GPC5: variants seen among roughly 807,000 people sequenced by gnomAD.
GPC5 encodes the protein glypican-5.
In GPC5, 47 loss-of-function variants were observed where a neutral mutation model predicts 53.9. That is an observed-to-expected ratio of 0.87 (90% CI 0.69 to 1.11). The LOEUF is 1.11. GPC5 is among the 50% of genes most tolerant of loss of function. The pLI is 0.00. For synonymous variants in GPC5, 286 were observed against 263.3 expected, an observed-to-expected ratio of 1.09 and a Z score of -0.84; for missense variants, 748 against 713.1, an observed-to-expected ratio of 1.05 and a Z score of -0.56.
At chr13:92,749,058 A>G (rs1236865530) in intron 7 of GPC5, among the ~76,000 whole-genome samples, 2 of 152,200 alleles carry the variant, frequency 1.3e-5, no homozygotes, top group Admixed American at 6.5e-5. Flanking sequence ...CATTCAAGAT[A>G]TATTTTGGAG....
chr13:92,145,693 C>A (rs2041862211), intron 7 of GPC5, among the ~76,000 whole-genome samples: 1 of 152,064 alleles, frequency 6.6e-6, no homozygotes, highest in Non-Finnish European at 1.5e-5. Context: ...GGCAAAACAA[C>A]AAAAGTGACC....
intron 7 of GPC5, among the ~76,000 whole-genome samples, chr13:92,853,842 A>G (rs1878895755): frequency 6.6e-6 from 1 of 152,158 alleles, no homozygotes; most frequent in South Asian, 2.1e-4. Context: ...CCCAGCACAG[A>G]ATATCCAATA....
chr13:91,894,090 T>C (rs745795740), intron 5 of GPC5, among the ~76,000 whole-genome samples: 30 of 152,142 alleles, frequency 2.0e-4, no homozygotes, highest in Non-Finnish European at 2.9e-4. Context: ...TATTTAGATA[T>C]TTTTCTTTTA....
intron 2 of GPC5, among the ~76,000 whole-genome samples, chr13:91,513,307 C>A (rs550823904): frequency 6.6e-6 from 1 of 152,180 alleles, no homozygotes; most frequent in Admixed American, 6.5e-5. Flanking sequence ...AACATTGATA[C>A]AATCTACTGG....
At chr13:92,602,369 A>G (rs776867918) in intron 7 of GPC5, among the ~76,000 whole-genome samples, 1 of 151,142 alleles carries the variant, frequency 6.6e-6, no homozygotes, top group Admixed American at 6.6e-5. Context: ...TTGCCTTAAT[A>G]TGAGTTTATT....
chr13:92,423,218 C>T (rs527266585), intron 7 of GPC5, among the ~76,000 whole-genome samples: 2 of 152,224 alleles, frequency 1.3e-5, no homozygotes, highest in African/African-American at 2.4e-5. Flanking sequence ...AATGCCATCA[C>T]GCTGAAGATT....
intron 2 of GPC5, among the ~76,000 whole-genome samples, chr13:91,675,380 T>C (rs550620691): frequency 6.6e-6 from 1 of 152,184 alleles, no homozygotes; most frequent in Admixed American, 6.5e-5. Flanking sequence ...GAATTTAGAG[T>C]AGTTGGATTT....
At chr13:92,693,722 T>C (rs1887478621) in intron 7 of GPC5, among the ~76,000 whole-genome samples, 1 of 151,970 alleles carries the variant, frequency 6.6e-6, no homozygotes, top group Non-Finnish European at 1.5e-5. Flanking sequence ...AGCATAAAAG[T>C]TTGGAAAATT....
At chr13:92,593,323 A>G (rs143041073) in intron 7 of GPC5, among the ~76,000 whole-genome samples, 30 of 151,306 alleles carry the variant, frequency 2.0e-4, no homozygotes, top group African/African-American at 5.8e-4. Context: ...GGCAGGGAGT[A>G]AGGAGACTGC....
At chr13:91,953,484 C>T (rs2040045746) in intron 6 of GPC5, among the ~76,000 whole-genome samples, 1 of 151,940 alleles carries the variant, frequency 6.6e-6, no homozygotes, top group Admixed American at 6.6e-5. Context: ...TGGTAAATCT[C>T]TTCTAAAATC....
At chr13:92,498,680 G>A (rs559180270) in intron 7 of GPC5, among the ~76,000 whole-genome samples, 33 of 152,220 alleles carry the variant, frequency 2.2e-4, no homozygotes, top group African/African-American at 7.7e-4. Flanking sequence ...GACTAGCTAC[G>A]TACTATAATG....
chr13:92,149,403 A>G (rs1478775204), intron 7 of GPC5, among the ~76,000 whole-genome samples: 4 of 152,094 alleles, frequency 2.6e-5, no homozygotes, highest in Non-Finnish European at 5.9e-5. Context: ...CTTAAATATG[A>G]TTAATTTAGA....
At chr13:92,842,687 G>A (rs1878471395) in intron 7 of GPC5, among the ~76,000 whole-genome samples, 1 of 146,552 alleles carries the variant, frequency 6.8e-6, no homozygotes, top group Non-Finnish European at 1.5e-5. Flanking sequence ...CCAATGACAA[G>A]ATTAAGGTTT....
intron 2 of GPC5, among the ~76,000 whole-genome samples, chr13:91,542,773 T>C (rs1335288908): frequency 1.3e-5 from 2 of 151,468 alleles, no homozygotes; most frequent in Non-Finnish European, 2.9e-5. Context: ...AACCTCTGCC[T>C]CCCAGGTTCC....
intron 7 of GPC5, among the ~76,000 whole-genome samples, chr13:92,825,110 T>A (rs1366870036): frequency 6.6e-6 from 1 of 152,122 alleles, no homozygotes; most frequent in Non-Finnish European, 1.5e-5. Context: ...ATCTCTATGA[T>A]TTTTGATCAA....
intron 2 of GPC5, among the ~76,000 whole-genome samples, chr13:91,515,748 T>C (rs1367977820): frequency 7.1e-6 from 1 of 140,494 alleles, no homozygotes; most frequent in East Asian, 2.2e-4. Context: ...TGGGATAGTC[T>C]TCTGTACTTT....
At chr13:92,616,485 C>A (rs572890370) in intron 7 of GPC5, among the ~76,000 whole-genome samples, 2 of 152,038 alleles carry the variant, frequency 1.3e-5, no homozygotes, top group African/African-American at 4.8e-5. Context: ...GATTGTACAG[C>A]GATTTATGAA....
At position 92,679,219 on chromosome 13, in the gene GPC5, G is replaced by T. The variant is rs542939540; in HGVS notation, c.1562-187063G>T. ...ATATTATATTTCAAGCATCATGCTA[G>T]ATACTTTAACGTTTGGCCATTTTAA... On this transcript the variant is annotated intron_variant, in intron 7 of 7. Coordinates refer to ENST00000377067, the MANE Select transcript of GPC5 (RefSeq NM_004466.6). Among the ~76,000 whole-genome samples, 5 of 152,276 alleles carry T rather than the reference G, an allele frequency of 3.3e-5. No homozygotes were observed. In the East Asian group the frequency reaches 9.6e-4, roughly 29 times the overall value.
intron 2 of GPC5, among the ~76,000 whole-genome samples, chr13:91,563,081 C>G (rs1417121256): frequency 6.6e-6 from 1 of 152,094 alleles, no homozygotes; most frequent in African/African-American, 2.4e-5. Context: ...TAATAGCTAA[C>G]AATAAATTCT....
Sources: gnomAD v4.1 joint callset for allele counts (sites outside exome capture counted in the v4.1 genomes callset) on GRCh38, gnomAD v4.1.1 for gene constraint, MANE v1.5 for transcripts, NCBI Gene and HGNC (gene_info 2026-07-23, HGNC 2026-07-21) for gene names.